DDC: variants seen among roughly 807,000 people sequenced by gnomAD.
The protein encoded by DDC is aromatic-L-amino-acid decarboxylase.
In DDC, 43 loss-of-function variants were observed where a neutral mutation model predicts 60.0. That is an observed-to-expected ratio of 0.72 (90% CI 0.56 to 0.92). The LOEUF is 0.92. DDC is among the 40% of genes least tolerant of loss of function. The probability of loss-of-function intolerance (pLI) is 0.00; values close to 1 mark genes in which losing one functional copy is unlikely to be tolerated. For synonymous variants in DDC, 232 were observed against 234.6 expected, an observed-to-expected ratio of 0.99 and a Z score of 0.10; for missense variants, 573 against 620.2, an observed-to-expected ratio of 0.92 and a Z score of 0.81.
intron 6 of DDC, among the ~76,000 whole-genome samples, chr7:50,517,293 C>T (rs1233834969): frequency 1.3e-5 from 2 of 151,958 alleles, no homozygotes; most frequent in African/African-American, 2.4e-5. Flanking sequence ...TGTGATACAC[C>T]ACAGAAAGAG....
At chr7:50,549,003 A>T (rs1345705237) in intron 1 of DDC, among the ~76,000 whole-genome samples, 2 of 152,250 alleles carry the variant, frequency 1.3e-5, no homozygotes, top group African/African-American at 4.8e-5. Flanking sequence ...TATAAATGGA[A>T]CAACAAAGCC....
chr7:50,492,783 G>A (rs2043028432), intron 9 of DDC: 1 of 1,454,822 alleles, frequency 6.9e-7, no homozygotes, highest in Non-Finnish European at 9.1e-7. Flanking sequence ...CCCCTCACAG[G>A]CTGGTGGCTG....
At chr7:50,534,617 A>C (rs2044331512) in intron 4 of DDC, among the ~76,000 whole-genome samples, 1 of 152,134 alleles carries the variant, frequency 6.6e-6, no homozygotes, top group African/African-American at 2.4e-5. Flanking sequence ...CAAAATAAAA[A>C]AAAAAAATGA....
intron 6 of DDC, among the ~76,000 whole-genome samples, chr7:50,513,047 G>A (rs572362125): frequency 0.011 from 1,608 of 152,276 alleles, 16 homozygotes; most frequent in Middle Eastern, 0.02. Flanking sequence ...GTGAATTTTA[G>A]CTCCAGGTTG....
At chr7:50,537,838 G>A (rs1226270158) in intron 4 of DDC, 22 bp downstream of exon 4, 9 of 1,613,952 alleles carry the variant, frequency 5.6e-6, no homozygotes, top group Non-Finnish European at 7.6e-6. Flanking sequence ...CCCAAAAGTG[G>A]CCCTCACAGC....
intron 1 of DDC, among the ~76,000 whole-genome samples, chr7:50,551,640 G>T (rs2044998655): frequency 6.6e-6 from 1 of 152,062 alleles, no homozygotes; most frequent in Non-Finnish European, 1.5e-5. Flanking sequence ...TTCCACTAGG[G>T]TGTTAGATAT....
chr7:50,467,191 G>A, intron 13 of DDC, 23 bp downstream of exon 13: 1 of 1,582,640 alleles, frequency 6.3e-7, no homozygotes, highest in Non-Finnish European at 8.7e-7. Flanking sequence ...AGAAAATGAA[G>A]AATGGAATAG....
chr7:50,509,943 T>C (rs1271967713), intron 6 of DDC, among the ~76,000 whole-genome samples: 2 of 152,058 alleles, frequency 1.3e-5, no homozygotes, highest in Non-Finnish European at 2.9e-5. Flanking sequence ...ATTTTCTCAT[T>C]TACTTATCTT....
At chr7:50,531,607 C>G (rs1585242013) in intron 4 of DDC, among the ~76,000 whole-genome samples, 1 of 151,944 alleles carries the variant, frequency 6.6e-6, no homozygotes, top group Non-Finnish European at 1.5e-5. Flanking sequence ...TAGTTCATGT[C>G]CTAAGAGAAA....
At chr7:50,510,756 C>T (rs184548570) in intron 6 of DDC, among the ~76,000 whole-genome samples, 1,574 of 150,832 alleles carry the variant, frequency 0.01, 17 homozygotes, top group South Asian at 0.022. Flanking sequence ...CCAAGGCGGG[C>T]GGATCACGAG....
rs557185028 is a variant in DDC at position 50,549,469 on chromosome 7, G to C, written c.-28-5356C>G. ...AGATCGAGACCATCCTGGCTAACAC[G>C]GTGAAACCCCATCTGTACTAAAAAT... On this transcript the variant is annotated intron_variant, in intron 1 of 14. Transcript: ENST00000444124. Among the ~76,000 whole-genome samples, 6 of 152,150 alleles carry C rather than the reference G, an allele frequency of 3.9e-5. No individual in the cohort carries two copies. In the South Asian group the frequency reaches 6.2e-4, roughly 16 times the overall value.
chr7:50,464,964 G>C (rs2042362713), intron 13 of DDC, among the ~76,000 whole-genome samples: 1 of 152,228 alleles, frequency 6.6e-6, no homozygotes. Flanking sequence ...TTGCAGACTG[G>C]AGGCACAAGC....
rs1262571160 is a variant in DDC, at chr7:50,476,637, A to G, written c.1028T>C (p.Ile343Thr). ...LKHSHQDSGL[I>T]TDYRHWQIPL... ...TCTCCCACTTACCCGGTAGTCAGTG[A>G]TAAGCCCTGGAGAAAAGAGAAAGAA... Residue 343 changes from isoleucine (I) to threonine (T), a missense_variant, in exon 11 of 15, where the codon ATC becomes ACC. Ile to Thr is a moderately conservative substitution (Grantham distance 89). Coordinates refer to ENST00000444124, the MANE Select transcript of DDC (RefSeq NM_001082971.2). 3 of 1,612,566 alleles carry G rather than the reference A, an allele frequency of 1.9e-6. No individual in the cohort carries two copies. In the Admixed American group the frequency reaches 5.0e-5, roughly 27 times the overall value.
At chr7:50,493,000 C>T (rs1277287705) in intron 9 of DDC, 1 of 1,597,988 alleles carries the variant, frequency 6.3e-7, no homozygotes, top group East Asian at 2.2e-5. Context: ...CACTGGTTGT[C>T]TGGACCTGAG....
intron 8 of DDC, 123 bp from the exon 9 acceptor site, chr7:50,495,540 G>A: frequency 1.3e-6 from 1 of 798,062 alleles, no homozygotes. Context: ...TAGGGGCCAG[G>A]TAGGGTTGCC....
At chr7:50,517,839 A>AC (rs1188812042) in intron 6 of DDC, among the ~76,000 whole-genome samples, 1 of 151,538 alleles carries the variant, frequency 6.6e-6, no homozygotes, top group African/African-American at 2.4e-5. Flanking sequence ...AAAAAAAAAA[A>AC]AAAAAAACCT....
intron 9 of DDC, among the ~76,000 whole-genome samples, chr7:50,485,215 C>T (rs183507180): frequency 4.7e-4 from 71 of 152,202 alleles, no homozygotes; most frequent in African/African-American, 1.7e-3. Flanking sequence ...CTTTGGAGAT[C>T]TGATATTAAA....
chr7:50,561,032 T>G (rs1472765946), intron 1 of DDC: 1 of 142,284 alleles, frequency 7.0e-6, no homozygotes, highest in East Asian at 2.7e-4. Context: ...GGGAGTGACT[T>G]GCTCTCTGTC....
At chr7:50,505,482 TAGAG>T (rs1200979723) in intron 6 of DDC, among the ~76,000 whole-genome samples, 3 of 152,184 alleles carry the variant, frequency 2.0e-5, no homozygotes, top group Non-Finnish European at 2.9e-5. Context: ...AGGATAAAGA[TAGAG>T]AGGTCAGAAA....
Sources: gnomAD v4.1 joint callset for allele counts (sites outside exome capture counted in the v4.1 genomes callset) on GRCh38, gnomAD v4.1.1 for gene constraint, MANE v1.5 for transcripts, NCBI Gene and HGNC (gene_info 2026-07-23, HGNC 2026-07-21) for gene names.